ATRNL1: variants seen among roughly 807,000 people sequenced by gnomAD.
The protein encoded by ATRNL1 is attractin-like protein 1.
Under a neutral mutation model 182.7 loss-of-function variants are expected in ATRNL1, and 95 were observed. The observed-to-expected ratio is 0.52, with a 90% CI of 0.44 to 0.62. ATRNL1 has a LOEUF of 0.62. Ranked by LOEUF, ATRNL1 falls within the 20% of genes least tolerant of loss-of-function variation. The pLI, the probability that ATRNL1 is intolerant of heterozygous loss-of-function variation, is 0.00. For synonymous variants in ATRNL1, 576 were observed against 568.3 expected (o/e 1.01, Z -0.19); for missense variants, 1,471 against 1,679.5 (o/e 0.88, Z 2.17).
Position 115,256,737 on chromosome 10 carries a change from G to A in ATRNL1, c.1688-8456G>A, listed in dbSNP as rs550718144. Among the ~76,000 whole-genome samples the A allele has an allele frequency of 4.6e-5, 7 of 152,158 alleles. No individual in the cohort carries two copies. In the East Asian group the frequency reaches 1.4e-3, roughly 29 times the overall value. ...TCTCTTATTTGTGATGTTGGGTGTC[G>A]ATTTTAGATCTTTCCTGCCTTCTCT... On this transcript the variant is annotated intron_variant, in intron 10 of 28. Transcript: ENST00000355044.
chr10:115,219,357 C>T (rs562863859), intron 9 of ATRNL1, among the ~76,000 whole-genome samples: 1 of 152,130 alleles, frequency 6.6e-6, no homozygotes, highest in Admixed American at 6.5e-5. Context: ...TTCATCACAT[C>T]TTGCTAAATA....
intron 27 of ATRNL1, among the ~76,000 whole-genome samples, chr10:115,783,598 A>C (rs941967560): frequency 6.6e-6 from 1 of 152,220 alleles, no homozygotes; most frequent in African/African-American, 2.4e-5. Flanking sequence ...ATAACCTTTG[A>C]GTTTTCACAT....
At chr10:115,695,318 G>A (rs914057200) in intron 26 of ATRNL1, among the ~76,000 whole-genome samples, 1 of 152,024 alleles carries the variant, frequency 6.6e-6, no homozygotes, top group East Asian at 1.9e-4. Flanking sequence ...AAACAACGCT[G>A]GAATTCAATA....
chr10:115,808,988 A>G (rs1201747704), intron 27 of ATRNL1, among the ~76,000 whole-genome samples: 2 of 151,810 alleles, frequency 1.3e-5, no homozygotes, highest in African/African-American at 4.8e-5. Context: ...TTAGGTCTGT[A>G]TTGTATTTTG....
chr10:115,626,001 G>A (rs1858072899), intron 26 of ATRNL1, among the ~76,000 whole-genome samples: 1 of 152,092 alleles, frequency 6.6e-6, no homozygotes. Context: ...CTGCCTTGCA[G>A]AGTAAATATT....
chr10:115,245,499 C>CAAA (rs35541977), intron 10 of ATRNL1, among the ~76,000 whole-genome samples: 5 of 72,868 alleles, frequency 6.9e-5, no homozygotes, highest in East Asian at 3.6e-4. Context: ...CACTCCGTCT[C>CAAA]AAAAAAAAAA....
chr10:115,703,829 G>A lies in ATRNL1; in HGVS notation c.3796-23419G>A, dbSNP rs145808637. The stretch of plus-strand genomic sequence containing the variant: ...TCCAAATATCAAAATTTACTGTGGA[G>A]CTTTCTGAAGGATAAATCCTTTATG... On this transcript the variant is annotated intron_variant, in intron 26 of 28. Transcript: ENST00000355044. 2.2e-4 allele frequency among the ~76,000 whole-genome samples: 34 copies of A among 151,916 alleles called. No individual in the cohort carries two copies. In the East Asian group the frequency reaches 6.4e-3, roughly 29 times the overall value.
intron 26 of ATRNL1, among the ~76,000 whole-genome samples, chr10:115,551,359 T>C (rs1284437918): frequency 1.3e-5 from 2 of 151,548 alleles, no homozygotes; most frequent in African/African-American, 4.8e-5. Flanking sequence ...ATTTATCTTT[T>C]GGAAGTCAAA....
chr10:115,256,243 T>C (rs1851129689), intron 10 of ATRNL1, among the ~76,000 whole-genome samples: 1 of 152,224 alleles, frequency 6.6e-6, no homozygotes, highest in African/African-American at 2.4e-5. Context: ...TCTGGTAGAA[T>C]TCAGCTGTGA....
intron 1 of ATRNL1, among the ~76,000 whole-genome samples, chr10:115,119,726 C>T (rs1844644879): frequency 6.6e-6 from 1 of 151,952 alleles, no homozygotes; most frequent in Non-Finnish European, 1.5e-5. Flanking sequence ...TTTGGTGACA[C>T]CTATTTTAGC....
At chr10:115,598,350 ATTATTTATTTAT>A (rs35735636) in intron 26 of ATRNL1, among the ~76,000 whole-genome samples, 51 of 145,856 alleles carry the variant, frequency 3.5e-4, no homozygotes, top group African/African-American at 1.2e-3. Context: ...ATTTAAAAAA[ATTATTTATTTAT>A]TTATTTATTT....
At chr10:115,813,378 G>A (rs1234213049) in intron 27 of ATRNL1, among the ~76,000 whole-genome samples, 3 of 151,954 alleles carry the variant, frequency 2.0e-5, no homozygotes, top group African/African-American at 4.8e-5. Context: ...CCCAAAGAGG[G>A]GTCTATTTCC....
chr10:115,303,729 C>G (rs1853597795), intron 17 of ATRNL1, among the ~76,000 whole-genome samples: 1 of 152,042 alleles, frequency 6.6e-6, no homozygotes, highest in Non-Finnish European at 1.5e-5. Context: ...ATACTTTAAC[C>G]TGCAGTAAAC....
intron 27 of ATRNL1, among the ~76,000 whole-genome samples, chr10:115,744,839 A>G (rs1948244095): frequency 1.3e-5 from 2 of 152,162 alleles, no homozygotes; most frequent in Admixed American, 1.3e-4. Flanking sequence ...TTATAACATC[A>G]GTTGTTAATT....
At chr10:115,166,617 C>T (rs1847056525) in intron 7 of ATRNL1, among the ~76,000 whole-genome samples, 1 of 151,898 alleles carries the variant, frequency 6.6e-6, no homozygotes, top group African/African-American at 2.4e-5. Context: ...ATGAGTATCT[C>T]ACTGTGATTT....
At chr10:115,583,819 G>C (rs1259123439) in intron 26 of ATRNL1, among the ~76,000 whole-genome samples, 3 of 150,448 alleles carry the variant, frequency 2.0e-5, no homozygotes, top group African/African-American at 2.4e-5. Flanking sequence ...GGGCATCCCT[G>C]TCTTGTGCCA....
At chr10:115,329,686 G>C (rs1554934450) in intron 18 of ATRNL1, among the ~76,000 whole-genome samples, 1 of 149,204 alleles carries the variant, frequency 6.7e-6, no homozygotes, top group African/African-American at 2.4e-5. Flanking sequence ...TTGTCTAATA[G>C]AAGTATAGTT....
intron 24 of ATRNL1, among the ~76,000 whole-genome samples, chr10:115,515,752 T>C (rs1850604936): frequency 6.6e-6 from 1 of 151,892 alleles, no homozygotes; most frequent in African/African-American, 2.4e-5. Flanking sequence ...TATATTAACA[T>C]CCCCACCACT....
Position 115,315,595 on chromosome 10 carries a change from A to G in ATRNL1, c.2896A>G (p.Asn966Asp), listed in dbSNP as rs781873822. The G allele has an allele frequency of 2.7e-5, 44 of 1,613,774 alleles. No individual in the cohort carries two copies. Among genetic ancestry groups the G allele is most frequent in the Non-Finnish European group, 3.4e-5 (40 of 1,179,902 alleles). Residue 966 changes from asparagine (N) to aspartate (D), a missense_variant, in exon 18 of 29, where the codon AAT (asparagine) becomes GAT (aspartate). This residue lies in a region of ATRNL1 where 437 missense variants were observed against 506.0 expected (regional missense o/e 0.86). Coordinates refer to ENST00000355044, the MANE Select transcript of ATRNL1 (RefSeq NM_207303.4). ...PGCGWCNDPS[N>D]TGRGHCIEGS... ...ATGTGGCTGGTGCAATGATCCTAGT[A>G]ATACAGGAAGAGGACATTGCATTGA...
Sources: gnomAD v4.1 joint callset for allele counts (sites outside exome capture counted in the v4.1 genomes callset) on GRCh38, gnomAD v4.1.1 for gene constraint, gnomAD v4.1.1 regional missense constraint, MANE v1.5 for transcripts, NCBI Gene and HGNC (gene_info 2026-07-23, HGNC 2026-07-21) for gene names.